Variants in BSN observed in about 807,000 individuals in gnomAD.
BSN encodes bassoon presynaptic cytomatrix protein, also known as protein bassoon.
A neutral mutation model predicts 264.8 loss-of-function variants in BSN; 57 were observed. That is an observed-to-expected ratio of 0.22 (90% CI 0.17 to 0.27). The LOEUF (loss-of-function observed/expected upper bound fraction) is 0.27, where lower values mean the gene tolerates loss of function less well. BSN is among the 10% of genes least tolerant of loss of function. BSN has a pLI of 1.00. For synonymous variants in BSN, 2,059 were observed against 2,137.3 expected, an observed-to-expected ratio of 0.96 and a Z score of 1.01; for missense variants, 4,615 against 5,232.5, an observed-to-expected ratio of 0.88 and a Z score of 3.64.
intron 2 of BSN, among the ~76,000 whole-genome samples, chr3:49,634,315 G>A (rs1336494494): frequency 6.6e-6 from 1 of 152,142 alleles, no homozygotes; most frequent in Non-Finnish European, 1.5e-5. Flanking sequence ...GGTGATGGTT[G>A]TACAGCATTA....
At chr3:49,570,825 A>G (rs969031037) in intron 1 of BSN, among the ~76,000 whole-genome samples, 2 of 152,178 alleles carry the variant, frequency 1.3e-5, no homozygotes, top group African/African-American at 4.8e-5. Context: ...TGGTAGTGCA[A>G]ATAACTTGTT....
chr3:49,578,802 G>A (rs2051868634), intron 1 of BSN, among the ~76,000 whole-genome samples: 1 of 151,980 alleles, frequency 6.6e-6, no homozygotes, highest in Non-Finnish European at 1.5e-5. Context: ...CTATCCTCCA[G>A]GCCTAAGGTA....
At chr3:49,589,159 G>A (rs1391870383) in intron 1 of BSN, among the ~76,000 whole-genome samples, 3 of 147,436 alleles carry the variant, frequency 2.0e-5, no homozygotes, top group Non-Finnish European at 4.5e-5. Context: ...TGATCCGCCC[G>A]CCTCGGCCTC....
intron 1 of BSN, among the ~76,000 whole-genome samples, chr3:49,587,562 G>A (rs970156201): frequency 2.0e-5 from 3 of 152,198 alleles, no homozygotes; most frequent in African/African-American, 7.2e-5. Flanking sequence ...TGAAATGAAA[G>A]TGCACTCCAC....
intron 1 of BSN, among the ~76,000 whole-genome samples, chr3:49,570,353 G>A (rs546295343): frequency 2.7e-4 from 41 of 152,276 alleles, no homozygotes; most frequent in Admixed American, 1.0e-3. Flanking sequence ...CAACAGACCC[G>A]GTTTGCCACT....
chr3:49,646,931 C>T (rs754987636), intron 3 of BSN, among the ~76,000 whole-genome samples: 1 of 152,204 alleles, frequency 6.6e-6, no homozygotes, highest in Non-Finnish European at 1.5e-5. Flanking sequence ...GTCGCAGAGT[C>T]AGGAGAGGAA....
chr3:49,598,609 C>G (rs1575433220), intron 1 of BSN, among the ~76,000 whole-genome samples: 2 of 152,178 alleles, frequency 1.3e-5, no homozygotes, highest in South Asian at 2.1e-4. Context: ...TTTGTAAATT[C>G]TAGAGAGGGT....
intron 1 of BSN, among the ~76,000 whole-genome samples, chr3:49,568,704 A>G (rs2051773026): frequency 6.6e-6 from 1 of 152,232 alleles, no homozygotes; most frequent in Non-Finnish European, 1.5e-5. Context: ...TTATCTATGG[A>G]CATTGGGCTG....
At position 49,625,175 on chromosome 3, in the gene BSN, C is replaced by T. The variant is rs1464430484; in HGVS notation, c.425C>T (p.Pro142Leu). Residue 142 changes from proline to leucine, a missense_variant, in exon 2 of 12, where the codon CCC (proline) becomes CTC (leucine). This residue lies in a region of BSN where 1,197 missense variants were observed against 1,348.0 expected (regional missense o/e 0.89). Coordinates refer to ENST00000296452, the MANE Select transcript of BSN (RefSeq NM_003458.4). This position sits in a 1 kb window ranked among gnomAD's most constrained non-coding sequence, Gnocchi z 4.4. ...DSRTQRSGRS[P>L]SVSPDRGSTP... is the part of the protein sequence containing the mutation. ...AGGACACAGAGATCAGGGCGGTCCC[C>T]CTCAGTGTCACCGGACAGAGGCAGC... 6.4e-7 allele frequency: 1 copy of T among 1,569,174 alleles called. No individual in the cohort carries two copies. The highest frequency in any genetic ancestry group is 1.9e-5 in the Admixed American group (1 of 52,702).
Position 49,655,597 on chromosome 3 carries a change from T to C in BSN, c.6041T>C (p.Met2014Thr), listed in dbSNP as rs779169504. 21 of 1,613,564 alleles carry C rather than the reference T, an allele frequency of 1.3e-5. No homozygotes were observed. In the Admixed American group the frequency reaches 2.2e-4, roughly 17 times the overall value. Reference sequence around the variant, plus strand: ...CAGGGTCCTGGACGAGACTCGGCTATGGACCTCAGCTCACTGAAGCACTCC... The same window carrying C: ...CAGGGTCCTGGACGAGACTCGGCTACGGACCTCAGCTCACTGAAGCACTCC... ...LFQGPGRDSA[M>T]DLSSLKHSYS... The change falls in exon 5 of 12, where the codon ATG becomes ACG. Residue 2014 changes from methionine (M) to threonine (T), a missense_variant. Met to Thr is a moderately conservative substitution (Grantham distance 81, BLOSUM62 -1). Around this residue, in one of 3 missense-constraint regions of BSN, gnomAD observed 3,415 missense variants for 3,866.4 expected, o/e 0.88. Coordinates refer to ENST00000296452, the MANE Select transcript of BSN (RefSeq NM_003458.4).
chr3:49,589,400 G>A (rs963459350), intron 1 of BSN, among the ~76,000 whole-genome samples: 15 of 151,774 alleles, frequency 9.9e-5, no homozygotes, highest in Admixed American at 3.9e-4. Context: ...ATGAATTTTG[G>A]GGCTCTGTTC....
intron 1 of BSN, among the ~76,000 whole-genome samples, chr3:49,567,700 A>G (rs2051763137): frequency 6.6e-6 from 1 of 152,244 alleles, no homozygotes; most frequent in South Asian, 2.1e-4. Context: ...TGCAGTTACT[A>G]TGGCTGTGTA....
intron 1 of BSN, among the ~76,000 whole-genome samples, chr3:49,569,105 T>C (rs1575425617): frequency 6.6e-6 from 1 of 152,294 alleles, no homozygotes; most frequent in East Asian, 1.9e-4. Context: ...CCTGGGCATC[T>C]GGTGTACACA....
At position 49,657,013 on chromosome 3, in the gene BSN, G is replaced by A. The variant is rs750422766; in HGVS notation, c.7457G>A (p.Arg2486Gln). 8.1e-6 allele frequency: 13 copies of A among 1,610,404 alleles called. No individual in the cohort carries two copies. Among genetic ancestry groups the A allele is most frequent in the Middle Eastern group, 1.6e-4 (1 of 6,078 alleles). Residue 2486 changes from arginine (R) to glutamine (Q), a missense_variant, in exon 5 of 12, where the codon CGA (arginine) becomes CAA (glutamine). Arg to Gln is a conservative substitution (Grantham distance 43). Coordinates refer to ENST00000296452, the MANE Select transcript of BSN (RefSeq NM_003458.4). ...PFPAACEAPG[R>Q]GPPLAAAELA... ...CCTGCAGCCTGTGAGGCACCTGGCC[G>A]AGGGCCTCCCCTAGCGGCTGCTGAG...
At chr3:49,646,225 A>G (rs1487299193) in intron 3 of BSN, among the ~76,000 whole-genome samples, 1 of 152,212 alleles carries the variant, frequency 6.6e-6, no homozygotes, top group African/African-American at 2.4e-5. Flanking sequence ...TCATTTCATA[A>G]TTAAGAGTTG....
intron 1 of BSN, among the ~76,000 whole-genome samples, chr3:49,622,072 T>C (rs1027778867): frequency 6.6e-6 from 1 of 151,830 alleles, no homozygotes; most frequent in Non-Finnish European, 1.5e-5. Context: ...TGATGAAGGA[T>C]AGGGGAGAAT....
At chr3:49,664,290 T>C in intron 8 of BSN, 133 bp from the exon 9 acceptor site, 1 of 1,192,356 alleles carries the variant, frequency 8.4e-7, no homozygotes, top group Non-Finnish European at 1.2e-6. Context: ...CTTCTCTTTA[T>C]TTCCCTAGCC....
At chr3:49,579,891 A>G (rs1192009175) in intron 1 of BSN, among the ~76,000 whole-genome samples, 1 of 152,146 alleles carries the variant, frequency 6.6e-6, no homozygotes, top group Non-Finnish European at 1.5e-5. Flanking sequence ...TTCTATTAAT[A>G]TGCTATATTA....
intron 1 of BSN, among the ~76,000 whole-genome samples, chr3:49,578,112 T>C (rs1373666897): frequency 6.6e-6 from 1 of 152,240 alleles, no homozygotes; most frequent in Non-Finnish European, 1.5e-5. Context: ...AGCACACTAA[T>C]ACATGCTTAC....
Sources: allele counts gnomAD v4.1 joint callset (sites outside exome capture counted in the v4.1 genomes callset), GRCh38; gene constraint gnomAD v4.1.1; regional missense constraint gnomAD v4.1.1; non-coding constraint Gnocchi (gnomAD v3.1); transcripts MANE v1.5; gene names NCBI Gene and HGNC (gene_info 2026-07-23, HGNC 2026-07-21).